Variants in PRKCE observed in about 807,000 individuals in gnomAD.
The protein encoded by PRKCE is protein kinase C epsilon type.
PRKCE carries 16 observed loss-of-function variants against 85.4 expected under a neutral mutation model. That is an observed-to-expected ratio of 0.19 (90% CI 0.13 to 0.28). PRKCE has a LOEUF of 0.28. Ranked by LOEUF, PRKCE falls within the 10% of genes least tolerant of loss-of-function variation. The pLI is 1.00. For synonymous variants in PRKCE, 388 were observed against 371.5 expected, an observed-to-expected ratio of 1.04 and a Z score of -0.51; for missense variants, 573 against 975.2, an observed-to-expected ratio of 0.59 and a Z score of 5.49.
chr2:45,810,495 G>T (rs1688578876), intron 1 of PRKCE, among the ~76,000 whole-genome samples: 2 of 152,170 alleles, frequency 1.3e-5, no homozygotes, highest in African/African-American at 4.8e-5. Context: ...ACACATAGAT[G>T]CCACCAAGAA....
intron 1 of PRKCE, among the ~76,000 whole-genome samples, chr2:45,837,900 C>A (rs550079235): frequency 6.6e-6 from 1 of 152,234 alleles, no homozygotes; most frequent in African/African-American, 2.4e-5. Context: ...ACAAAACTCG[C>A]TACCTTACAG....
chr2:46,000,287 G>C (rs1441111134), intron 6 of PRKCE, among the ~76,000 whole-genome samples: 4 of 139,328 alleles, frequency 2.9e-5, no homozygotes, highest in Admixed American at 2.1e-4. Flanking sequence ...GAATTACATA[G>C]AGCTGTGATT....
At chr2:46,106,154 TAG>T (rs1671695633) in intron 11 of PRKCE, among the ~76,000 whole-genome samples, 1 of 152,222 alleles carries the variant, frequency 6.6e-6, no homozygotes, top group Non-Finnish European at 1.5e-5. Context: ...ATCCATGTAT[TAG>T]TGGACCTATG....
At chr2:45,670,170 C>T (rs1287047213) in intron 1 of PRKCE, among the ~76,000 whole-genome samples, 5 of 152,144 alleles carry the variant, frequency 3.3e-5, no homozygotes, top group East Asian at 1.9e-4. Context: ...AAGTCGGCCG[C>T]GTGCCTTCTC....
At chr2:46,183,438 A>G (rs796115001) in intron 14 of PRKCE, among the ~76,000 whole-genome samples, 2 of 152,260 alleles carry the variant, frequency 1.3e-5, no homozygotes, top group African/African-American at 2.4e-5. Flanking sequence ...TCTTTCCACA[A>G]GATTTATTCC....
chr2:46,149,725 GTATTTATATATA>G (rs1226586648), intron 12 of PRKCE, among the ~76,000 whole-genome samples: 1,424 of 15,544 alleles, frequency 0.092, 30 homozygotes, highest in Middle Eastern at 0.21. Context: ...TTATATATAT[GTATTTATATATA>G]TGTATTTATA....
At chr2:45,866,452 C>T (rs1236526640) in intron 2 of PRKCE, among the ~76,000 whole-genome samples, 5 of 152,142 alleles carry the variant, frequency 3.3e-5, no homozygotes, top group East Asian at 3.9e-4. Context: ...GGACTACAGG[C>T]GCCGGCCACC....
At chr2:45,740,175 G>A (rs1352672723) in intron 1 of PRKCE, among the ~76,000 whole-genome samples, 2 of 149,978 alleles carry the variant, frequency 1.3e-5, no homozygotes, top group Non-Finnish European at 3.0e-5. Context: ...TTATTCACTG[G>A]AAAATGAACA....
At chr2:45,961,976 T>C (rs563397744) in intron 2 of PRKCE, among the ~76,000 whole-genome samples, 1 of 152,298 alleles carries the variant, frequency 6.6e-6, no homozygotes, top group South Asian at 2.1e-4. Flanking sequence ...ATTACAGGCG[T>C]GAACCACCGC....
At chr2:46,148,594 G>T (rs907593639) in intron 12 of PRKCE, among the ~76,000 whole-genome samples, 3 of 152,220 alleles carry the variant, frequency 2.0e-5, no homozygotes, top group Non-Finnish European at 4.4e-5. Flanking sequence ...ATGCCCAGTA[G>T]ATACACACAG....
chr2:46,147,823 T>A (rs1325177114), intron 12 of PRKCE, among the ~76,000 whole-genome samples: 1 of 152,238 alleles, frequency 6.6e-6, no homozygotes, highest in Non-Finnish European at 1.5e-5. Context: ...GAATTGAGTC[T>A]TGAGTCCAGA....
At chr2:46,103,006 A>C (rs1671380676) in intron 11 of PRKCE, among the ~76,000 whole-genome samples, 1 of 152,176 alleles carries the variant, frequency 6.6e-6, no homozygotes, top group Non-Finnish European at 1.5e-5. Flanking sequence ...ATTATATTTC[A>C]CCTCTGTGAG....
At chr2:45,967,143 C>A (rs1418695091) in intron 2 of PRKCE, among the ~76,000 whole-genome samples, 1 of 152,090 alleles carries the variant, frequency 6.6e-6, no homozygotes, top group South Asian at 2.1e-4. Flanking sequence ...TGTAAATACC[C>A]CCATGGTGGC....
chr2:46,105,464 T>C (rs1275197463), intron 11 of PRKCE, among the ~76,000 whole-genome samples: 2 of 138,654 alleles, frequency 1.4e-5, no homozygotes, highest in Non-Finnish European at 3.2e-5. Context: ...TTTTTTTTTT[T>C]CACAATAGTG....
intron 2 of PRKCE, among the ~76,000 whole-genome samples, chr2:45,971,643 G>A (rs1367314252): frequency 1.3e-5 from 2 of 152,170 alleles, no homozygotes; most frequent in Admixed American, 6.5e-5. Context: ...GTTTTTCAAT[G>A]TTTGTTGTAT....
chr2:45,778,120 G>A (rs1270664131), intron 1 of PRKCE, among the ~76,000 whole-genome samples: 2 of 151,504 alleles, frequency 1.3e-5, no homozygotes, highest in African/African-American at 2.4e-5. Flanking sequence ...GTGGGAGGGA[G>A]GGGTGGGTTG....
At chr2:46,033,363 T>A (rs1171251063) in intron 10 of PRKCE, among the ~76,000 whole-genome samples, 1 of 152,212 alleles carries the variant, frequency 6.6e-6, no homozygotes. Context: ...ACACCCTGTC[T>A]TCTGATGGCC....
intron 2 of PRKCE, among the ~76,000 whole-genome samples, chr2:45,917,791 G>T (rs1421978669): frequency 1.3e-5 from 2 of 152,228 alleles, no homozygotes; most frequent in African/African-American, 4.8e-5. Flanking sequence ...CAGGCATGGT[G>T]GGCTGCAGGT....
intron 2 of PRKCE, among the ~76,000 whole-genome samples, chr2:45,945,509 C>T (rs1282931030): frequency 5.3e-5 from 8 of 152,210 alleles, no homozygotes; most frequent in Admixed American, 5.2e-4. Context: ...CCACCTCCAA[C>T]ATTGGGGATT....
Sources: gnomAD v4.1 joint callset for allele counts (sites outside exome capture counted in the v4.1 genomes callset) on GRCh38, gnomAD v4.1.1 for gene constraint, MANE v1.5 for transcripts, NCBI Gene and HGNC (gene_info 2026-07-23, HGNC 2026-07-21) for gene names.